Variants in CACNB2 observed in about 807,000 individuals in gnomAD.
CACNB2 encodes voltage-dependent L-type calcium channel subunit beta-2.
In CACNB2, 42 loss-of-function variants were observed where a neutral mutation model predicts 73.3. The observed-to-expected ratio is 0.57, with a 90% CI of 0.45 to 0.74. The LOEUF (loss-of-function observed/expected upper bound fraction) is 0.74. CACNB2 is among the 30% of genes least tolerant of loss of function. The pLI, the probability that CACNB2 is intolerant of heterozygous loss-of-function variation, is 0.00. For synonymous variants in CACNB2, 348 were observed against 310.3 expected (o/e 1.12, Z -1.28); for missense variants, 940 against 853.0 (o/e 1.10, Z -1.27).
chr10:18,501,806 A>G (rs2050206410), intron 5 of CACNB2, among the ~76,000 whole-genome samples: 2 of 152,092 alleles, frequency 1.3e-5, no homozygotes, highest in Admixed American at 1.3e-4. Flanking sequence ...GCGTCAGCAG[A>G]TGAGTGAAAC....
At chr10:18,497,498 C>T (rs1213613417) in intron 3 of CACNB2, among the ~76,000 whole-genome samples, 2 of 152,146 alleles carry the variant, frequency 1.3e-5, no homozygotes, top group Non-Finnish European at 2.9e-5. Flanking sequence ...TGGCTCACTG[C>T]AGCATAGACC....
chr10:18,446,175 C>T (rs1404431226), intron 3 of CACNB2, among the ~76,000 whole-genome samples: 2 of 152,026 alleles, frequency 1.3e-5, no homozygotes, highest in African/African-American at 4.8e-5. Context: ...AATTTAAGGA[C>T]CAGGGGTCCT....
intron 2 of CACNB2, among the ~76,000 whole-genome samples, chr10:18,263,965 G>C (rs186197468): frequency 6.6e-6 from 1 of 152,182 alleles, no homozygotes; most frequent in Non-Finnish European, 1.5e-5. Flanking sequence ...CAGCTTCGCA[G>C]CTCAGAAGTA....
At chr10:18,467,342 C>G (rs1276092691) in intron 3 of CACNB2, among the ~76,000 whole-genome samples, 1 of 152,184 alleles carries the variant, frequency 6.6e-6, no homozygotes. Context: ...TTGGCAATTT[C>G]ACACTTGAAG....
At chr10:18,350,058 A>G (rs1463903467) in intron 2 of CACNB2, among the ~76,000 whole-genome samples, 1 of 152,152 alleles carries the variant, frequency 6.6e-6, no homozygotes, top group African/African-American at 2.4e-5. Context: ...AGCCTGGCCA[A>G]CATGGTGAAA....
chr10:18,542,404 G>C lies in CACNB2; in HGVS notation c.*2680G>C, dbSNP rs1422626438. On this transcript the variant is annotated 3_prime_UTR_variant, in exon 14 of 14. Transcript: ENST00000324631. ...ATAAAATATTTCTGATAAAACTTTT[G>C]TCATGGTAAGAGATTCACAATTATT... is the stretch of plus-strand genomic sequence containing the variant. 1 of 152,088 alleles carries C rather than the reference G, an allele frequency of 6.6e-6. No individual in the cohort carries two copies. Among genetic ancestry groups the C allele is most frequent in the Non-Finnish European group, 1.5e-5 (1 of 68,018 alleles). The allele number at this position is 152,088 out of a possible 1,614,324, so 9.4% of individuals were successfully genotyped here. A position where few individuals can be genotyped will look rare whatever the true frequency, so the allele number is the denominator to read the frequency against.
At chr10:18,458,248 G>C (rs938912595) in intron 3 of CACNB2, among the ~76,000 whole-genome samples, 1 of 152,176 alleles carries the variant, frequency 6.6e-6, no homozygotes, top group Admixed American at 6.5e-5. Context: ...CATAATTTAA[G>C]ATAAAAATAG....
rs546794459 is a variant in CACNB2 at position 18,288,765 on chromosome 10, C to A, written c.214-113159C>A. Among the ~76,000 whole-genome samples, 3 of 151,368 alleles carry A rather than the reference C, an allele frequency of 2.0e-5. No homozygotes were observed. In the South Asian group the frequency reaches 6.3e-4, roughly 32 times the overall value. ...TTTATTTAAAAAATCCTTTTCTCTG[C>A]CAGGCGCGGTGCCTCACACCTATAA... On this transcript the variant is annotated intron_variant, in intron 2 of 13. Transcript: ENST00000324631.
chr10:18,377,014 G>T (rs1264087790), intron 2 of CACNB2, among the ~76,000 whole-genome samples: 1 of 152,150 alleles, frequency 6.6e-6, no homozygotes, highest in Non-Finnish European at 1.5e-5. Context: ...TAATTGAATT[G>T]TTTTTAACCC....
chr10:18,520,840 G>A (rs1474969722), intron 9 of CACNB2, among the ~76,000 whole-genome samples: 1 of 152,170 alleles, frequency 6.6e-6, no homozygotes, highest in Non-Finnish European at 1.5e-5. Flanking sequence ...TGGTATACGT[G>A]TGTACATGTA....
rs571483842 is a variant in CACNB2, at chr10:18,289,798, T to A, written c.214-112126T>A. On this transcript the variant is annotated intron_variant, in intron 2 of 13. Transcript: ENST00000324631. ...CCCCCTTTAGTTGTTCTATCCTTTA[T>A]AAAATTTTACTCCAAAATATGTTTT... Among the ~76,000 whole-genome samples, 10 of 152,264 alleles carry A rather than the reference T, an allele frequency of 6.6e-5. No individual in the cohort carries two copies. The South Asian group carries it at 1.9e-3, about 28-fold the overall frequency.
chr10:18,531,703 T>TC (rs2053047878), intron 10 of CACNB2: 3 of 152,224 alleles, frequency 2.0e-5, no homozygotes, highest in African/African-American at 7.2e-5. Context: ...ATAACAGCCA[T>TC]TCTAACTGGT....
chr10:18,499,805 T>TACA (rs756799139), intron 4 of CACNB2, among the ~76,000 whole-genome samples: 6,612 of 117,732 alleles, frequency 0.056, 302 homozygotes, highest in Non-Finnish European at 0.071. Flanking sequence ...ACCCCATCTC[T>TACA]AAAAAAAAAA....
chr10:18,141,785 C>G (rs1472657822), intron 1 of CACNB2, among the ~76,000 whole-genome samples: 1 of 152,204 alleles, frequency 6.6e-6, no homozygotes, highest in South Asian at 2.1e-4. Context: ...CTTCAGACTC[C>G]TAGCTGCGGG....
chr10:18,499,471 T>C (rs1003742689), intron 4 of CACNB2, among the ~76,000 whole-genome samples: 1 of 151,704 alleles, frequency 6.6e-6, no homozygotes, highest in Admixed American at 6.6e-5. Context: ...AAAAATTATC[T>C]GGGTGTAGTG....
intron 2 of CACNB2, among the ~76,000 whole-genome samples, chr10:18,279,211 T>A (rs2038432558): frequency 6.6e-6 from 1 of 152,198 alleles, no homozygotes; most frequent in Non-Finnish European, 1.5e-5. Flanking sequence ...AACAAATGGT[T>A]CTTTTCTTCC....
intron 2 of CACNB2, among the ~76,000 whole-genome samples, chr10:18,331,064 C>T (rs2040783249): frequency 6.6e-6 from 1 of 151,798 alleles, no homozygotes; most frequent in Non-Finnish European, 1.5e-5. Context: ...TGGCCCACTG[C>T]AACTTCCGCC....
At chr10:18,493,624 C>A (rs1388292974) in intron 3 of CACNB2, among the ~76,000 whole-genome samples, 1 of 152,182 alleles carries the variant, frequency 6.6e-6, no homozygotes, top group African/African-American at 2.4e-5. Context: ...GAATGGCGCT[C>A]TTACCCTTGT....
At chr10:18,263,593 T>A (rs2037655207) in intron 2 of CACNB2, among the ~76,000 whole-genome samples, 1 of 152,228 alleles carries the variant, frequency 6.6e-6, no homozygotes, top group Non-Finnish European at 1.5e-5. Flanking sequence ...TCTTATACCT[T>A]TTCTTTTTAG....
Sources: allele counts gnomAD v4.1 joint callset (sites outside exome capture counted in the v4.1 genomes callset), GRCh38; gene constraint gnomAD v4.1.1; transcripts MANE v1.5; gene names NCBI Gene and HGNC (gene_info 2026-07-23, HGNC 2026-07-21).